Variants in TRHDE observed in about 807,000 individuals in gnomAD.
The protein encoded by TRHDE is thyrotropin-releasing hormone-degrading ectoenzyme.
TRHDE carries 72 observed loss-of-function variants against 125.7 expected under a neutral mutation model. That is an observed-to-expected ratio of 0.57 (90% CI 0.47 to 0.70). TRHDE has a LOEUF of 0.70. Among genes scored for constraint, TRHDE ranks in the 30% least tolerant of loss-of-function variants. The pLI is 0.00. For synonymous variants in TRHDE, 509 were observed against 509.1 expected, an observed-to-expected ratio of 1.00 and a Z score of 0.00; for missense variants, 1,110 against 1,327.1, an observed-to-expected ratio of 0.84 and a Z score of 2.54.
chr12:72,106,384 TAAAC>T (rs765784340), intron 2 of TRHDE, among the ~76,000 whole-genome samples: 4 of 151,664 alleles, frequency 2.6e-5, no homozygotes, highest in African/African-American at 7.3e-5. Context: ...AAAAGGTAAA[TAAAC>T]AAAAGTGAAG....
chr12:72,334,366 A>C (rs1000260089), intron 2 of TRHDE, among the ~76,000 whole-genome samples: 1 of 152,200 alleles, frequency 6.6e-6, no homozygotes, highest in African/African-American at 2.4e-5. Flanking sequence ...TCCTACTCAA[A>C]CTCTAGTTTG....
intron 2 of TRHDE, among the ~76,000 whole-genome samples, chr12:72,236,098 T>C (rs1336653798): frequency 6.6e-6 from 1 of 152,204 alleles, no homozygotes; most frequent in African/African-American, 2.4e-5. Context: ...TCATTTTTAC[T>C]GACCATAACT....
At chr12:72,545,420 ATACTG>A (rs1467665648) in intron 7 of TRHDE, among the ~76,000 whole-genome samples, 5 of 151,594 alleles carry the variant, frequency 3.3e-5, no homozygotes, top group African/African-American at 1.2e-4. Flanking sequence ...GTTGAACTAA[ATACTG>A]TAAGATTCCT....
At chr12:72,223,735 A>G (rs962040383) in intron 2 of TRHDE, among the ~76,000 whole-genome samples, 1 of 152,168 alleles carries the variant, frequency 6.6e-6, no homozygotes. Flanking sequence ...TGCTTACTTG[A>G]CATGCCCTTT....
At chr12:72,104,644 A>T (rs1875141794) in intron 1 of TRHDE, among the ~76,000 whole-genome samples, 1 of 152,340 alleles carries the variant, frequency 6.6e-6, no homozygotes, top group African/African-American at 2.4e-5. Context: ...TGGTATATGG[A>T]TAATGAACAA....
intron 3 of TRHDE, among the ~76,000 whole-genome samples, chr12:72,398,965 A>G (rs1197594626): frequency 1.3e-5 from 2 of 152,162 alleles, no homozygotes; most frequent in Admixed American, 6.5e-5. Context: ...CCTGGTAGGA[A>G]CTGGGCCTCT....
At chr12:72,146,081 A>C (rs1207479030) in intron 2 of TRHDE, among the ~76,000 whole-genome samples, 1 of 152,230 alleles carries the variant, frequency 6.6e-6, no homozygotes, top group African/African-American at 2.4e-5. Context: ...AATTTAAAAG[A>C]TCTAAAATAA....
chr12:72,371,854 A>T (rs939112715), intron 2 of TRHDE, among the ~76,000 whole-genome samples: 4 of 152,144 alleles, frequency 2.6e-5, no homozygotes, highest in Non-Finnish European at 5.9e-5. Context: ...ATAAACATAC[A>T]TGTGCATGTG....
At chr12:72,201,779 C>A (rs1033285488) in intron 2 of TRHDE, among the ~76,000 whole-genome samples, 1 of 152,194 alleles carries the variant, frequency 6.6e-6, no homozygotes, top group Non-Finnish European at 1.5e-5. Context: ...TAACCCTGCT[C>A]TGGTGTTGCC....
At chr12:72,561,370 G>A (rs1272604124) in intron 7 of TRHDE, among the ~76,000 whole-genome samples, 1 of 152,004 alleles carries the variant, frequency 6.6e-6, no homozygotes, top group African/African-American at 2.4e-5. Flanking sequence ...GAACGAGGAG[G>A]GACTTTTACA....
At chr12:72,391,483 T>C (rs1317476309) in intron 3 of TRHDE, among the ~76,000 whole-genome samples, 1 of 152,208 alleles carries the variant, frequency 6.6e-6, no homozygotes, top group Non-Finnish European at 1.5e-5. Context: ...CTTAGATTTA[T>C]TCTTTATTGG....
At chr12:72,536,965 T>A (rs1224724730) in intron 6 of TRHDE, among the ~76,000 whole-genome samples, 4 of 152,060 alleles carry the variant, frequency 2.6e-5, no homozygotes, top group Non-Finnish European at 5.9e-5. Flanking sequence ...CTATACCCCA[T>A]GTTTCTAGAG....
intron 3 of TRHDE, among the ~76,000 whole-genome samples, chr12:72,460,075 CT>C (rs902917351): frequency 1.3e-5 from 2 of 152,126 alleles, no homozygotes; most frequent in South Asian, 2.1e-4. Context: ...GTATGTATGC[CT>C]TTTGCTCTGG....
chr12:72,377,685 C>T (rs1475828509), intron 2 of TRHDE, among the ~76,000 whole-genome samples: 2 of 152,124 alleles, frequency 1.3e-5, no homozygotes, highest in Non-Finnish European at 2.9e-5. Flanking sequence ...ATCCACTGTA[C>T]CTTCCTATCT....
intron 3 of TRHDE, among the ~76,000 whole-genome samples, chr12:72,457,897 G>A (rs1014543019): frequency 6.6e-6 from 1 of 152,020 alleles, no homozygotes; most frequent in African/African-American, 2.4e-5. Flanking sequence ...AAATAGTATT[G>A]TTTTCATACT....
At chr12:72,656,008 T>C (rs900117031) in intron 17 of TRHDE, among the ~76,000 whole-genome samples, 1 of 152,168 alleles carries the variant, frequency 6.6e-6, no homozygotes, top group Admixed American at 6.5e-5. Flanking sequence ...GCCTACAAGT[T>C]AGGGAAGCAC....
intron 5 of TRHDE, among the ~76,000 whole-genome samples, chr12:72,499,034 CA>C (rs758498869): frequency 1.3e-5 from 2 of 150,016 alleles, no homozygotes; most frequent in South Asian, 2.1e-4. Flanking sequence ...GAGGGAAGGA[CA>C]GGGAAAAAAA....
At chr12:72,212,685 C>A (rs1877808318) in intron 2 of TRHDE, among the ~76,000 whole-genome samples, 1 of 152,028 alleles carries the variant, frequency 6.6e-6, no homozygotes, top group Non-Finnish European at 1.5e-5. Context: ...TAGACAATAA[C>A]AAGTGATGGC....
At chr12:72,134,804 G>A (rs1197158931) in intron 2 of TRHDE, among the ~76,000 whole-genome samples, 1 of 152,074 alleles carries the variant, frequency 6.6e-6, no homozygotes, top group African/African-American at 2.4e-5. Context: ...AGGAGGAGGT[G>A]GGGGAGTGGG....
Sources: gnomAD v4.1 joint callset for allele counts (sites outside exome capture counted in the v4.1 genomes callset) on GRCh38, gnomAD v4.1.1 for gene constraint, MANE v1.5 for transcripts, NCBI Gene and HGNC (gene_info 2026-07-23, HGNC 2026-07-21) for gene names.